The following CYP3A4 variants were observed in gnomAD, a reference collection of about 807,000 sequenced individuals.
CYP3A4 encodes cytochrome P450 3A4.
In CYP3A4, 41 loss-of-function variants were observed where a neutral mutation model predicts 54.9. That is an observed-to-expected ratio of 0.75 (90% confidence interval 0.58 to 0.97). The LOEUF (loss-of-function observed/expected upper bound fraction) is 0.97. Ranked by LOEUF, CYP3A4 falls within the 50% of genes least tolerant of loss-of-function variation. CYP3A4 has a pLI of 0.00. For missense variants in CYP3A4, 510 were observed against 597.3 expected, an observed-to-expected ratio of 0.85 and a Z score of 1.52; for synonymous variants, 179 against 205.2, an observed-to-expected ratio of 0.87 and a Z score of 1.09.
intron 3 of CYP3A4, among the ~76,000 whole-genome samples, chr7:99,776,871 A>G (rs2151564705): frequency 6.6e-6 from 1 of 152,264 alleles, no homozygotes; most frequent in African/African-American, 2.4e-5. Context: ...AAATAAAATA[A>G]AATCACAGTC....
Position 99,764,078 on chromosome 7 carries a change from G to T in CYP3A4, c.866-63C>A. 1.9e-6 allele frequency: 3 copies of T among 1,607,112 alleles called. No individual in the cohort carries two copies. The South Asian group carries it at 3.3e-5, about 18-fold the overall frequency. ...CAATGTAGGGCATCACAGTTTAGATGAAGAGAAATCTAAGTGAAGCCCTCA... is the reference window on the plus strand; with the variant it reads ...CAATGTAGGGCATCACAGTTTAGATTAAGAGAAATCTAAGTGAAGCCCTCA... On this transcript the variant is annotated intron_variant, in intron 9 of 12. Transcript: ENST00000651514.
In CYP3A4 at chr7:99,772,968, T is replaced by A. The variant is rs545670630; in HGVS notation, c.219-279A>T. ...AAGAGACCATGGTTAGAAATGACAG[T>A]AGAGCATTTGTTAAGCTGGGTGGTG... On this transcript the variant is annotated intron_variant, in intron 3 of 12. Transcript: ENST00000651514. Among the ~76,000 whole-genome samples the A allele has an allele frequency of 4.5e-4, 69 of 152,204 alleles. 2 individuals are homozygous for A. Among genetic ancestry groups the A allele is most frequent in the Non-Finnish European group, 1.6e-4 (11 of 67,986 alleles).
At chr7:99,777,476 T>TTTG (rs1413693307) in intron 3 of CYP3A4, among the ~76,000 whole-genome samples, 1 of 146,608 alleles carries the variant, frequency 6.8e-6, no homozygotes, top group African/African-American at 2.5e-5. Flanking sequence ...ATGTCACTAG[T>TTTG]TGTGTGTGTG....
chr7:99,770,359 G>T, intron 4 of CYP3A4, 124 bp from the exon 5 acceptor site: 1 of 686,748 alleles, frequency 1.5e-6, no homozygotes, highest in Non-Finnish European at 2.2e-6. Flanking sequence ...TGGGTGATGG[G>T]CCCTATGCTA....
At position 99,758,027 on chromosome 7, in the gene CYP3A4, T is replaced by G; in HGVS notation, c.*106A>C. 2.2e-6 allele frequency: 2 copies of G among 901,818 alleles called. No homozygotes were observed. The highest frequency in any genetic ancestry group is 2.8e-5 in the South Asian group (2 of 72,164). The allele number at this position is 901,818 out of a possible 1,614,324, so 55.9% of individuals were successfully genotyped here. A position where few individuals can be genotyped will look rare whatever the true frequency, so the allele number is the denominator to read the frequency against. ...CCGGTTATTTATGCAGTCCATTGGA[T>G]GAAGCCCATCTTCATTTCAGAGTTC... On this transcript the variant is annotated 3_prime_UTR_variant, in exon 13 of 13. Transcript: ENST00000651514.
Position 99,757,314 on chromosome 7 carries a change from C to A in CYP3A4, c.*819G>T, listed in dbSNP as rs34469568. On this transcript the variant is annotated 3_prime_UTR_variant, in exon 13 of 13. Transcript: ENST00000651514. The stretch of plus-strand genomic sequence containing the variant: ...GCCTCCTGTGTAGTGAGATTACAGG[C>A]GAGTCCACCATGCCTAGCTAATTTG... 6.6e-6 allele frequency: 1 copy of A among 152,062 alleles called. No homozygotes were observed. The highest frequency in any genetic ancestry group is 2.4e-5 in the African/African-American group (1 of 41,364). 9.4% of individuals were successfully genotyped at this position (152,062 alleles called of 1,614,324 possible). A position where few individuals can be genotyped will look rare whatever the true frequency, so the allele number is the denominator to read the frequency against.
rs1177367975 is a variant in CYP3A4, at chr7:99,766,524, C to G, written c.799-81G>C. On this transcript the variant is annotated intron_variant, in intron 8 of 12. Coordinates refer to ENST00000651514, the MANE Select transcript of CYP3A4 (RefSeq NM_017460.6). Reference sequence around the variant, plus strand: ...AAATCACAAGCGTGGTCCTTGATCTCCCTTCTGAGAATATGGCTCCTTGAA... The same window carrying G: ...AAATCACAAGCGTGGTCCTTGATCTGCCTTCTGAGAATATGGCTCCTTGAA... 9.0e-6 allele frequency: 14 copies of G among 1,563,210 alleles called. No homozygotes were observed. In the East Asian group the frequency reaches 3.2e-4, roughly 35 times the overall value.
At chr7:99,773,619 G>C (rs770589790) in intron 3 of CYP3A4, among the ~76,000 whole-genome samples, 20 of 152,136 alleles carry the variant, frequency 1.3e-4, no homozygotes, top group African/African-American at 4.8e-4. Flanking sequence ...GGAAGTGAAG[G>C]CAGAAATAAA....
chr7:99,758,285 T>C (rs1815233229), intron 12 of CYP3A4, 57 bp from the exon 13 acceptor site: 4 of 1,571,902 alleles, frequency 2.5e-6, no homozygotes, highest in Non-Finnish European at 3.5e-6. Context: ...GTAGAAAGTA[T>C]AGCATCAAAG....
Position 99,761,048 on chromosome 7 carries a change from G to T in CYP3A4, c.1254-67C>A. The stretch of plus-strand genomic sequence containing the variant: ...ATACCCCTAAGAGTTACATGTTAGG[G>T]TTTCTTACTTAGGGGCCACCCCTCA... On this transcript the variant is annotated intron_variant, in intron 11 of 12. Transcript: ENST00000651514. 4 of 1,554,708 alleles carry T rather than the reference G, an allele frequency of 2.6e-6. No individual in the cohort carries two copies. The South Asian group carries it at 3.7e-5, about 14-fold the overall frequency.
At chr7:99,782,464 G>T (rs1815952289) in intron 1 of CYP3A4, among the ~76,000 whole-genome samples, 1 of 152,190 alleles carries the variant, frequency 6.6e-6, no homozygotes, top group Admixed American at 6.5e-5. Flanking sequence ...GGCTGCATCA[G>T]CATCATCTAA....
chr7:99,770,017 A>G (rs1265123451), intron 5 of CYP3A4, 105 bp downstream of exon 5: 11 of 1,523,686 alleles, frequency 7.2e-6, no homozygotes, highest in Admixed American at 3.5e-5. Context: ...GGCAGCTCAA[A>G]TTCAGTGGAC....
At chr7:99,759,387 A>G (rs1333268451) in intron 12 of CYP3A4, among the ~76,000 whole-genome samples, 1 of 151,900 alleles carries the variant, frequency 6.6e-6, no homozygotes. Flanking sequence ...AACCCTGAAT[A>G]TATTTTCACT....
At chr7:99,778,632 G>C (rs754638390) in intron 2 of CYP3A4, among the ~76,000 whole-genome samples, 1 of 152,208 alleles carries the variant, frequency 6.6e-6, no homozygotes, top group African/African-American at 2.4e-5. Flanking sequence ...ACGAGTGACA[G>C]AATGACAAAG....
rs1166537703 is a variant in CYP3A4 at position 99,767,243 on chromosome 7, A to C, written c.686T>G (p.Leu229Arg). Residue 229 changes from leucine to arginine, a missense_variant, in exon 8 of 13, where the codon CTC becomes CGC. Physicochemically the swap from Leu to Arg is moderately radical, Grantham distance 102. Around this residue, in one of 2 missense-constraint regions of CYP3A4, gnomAD observed 272 missense variants for 274.9 expected, o/e 0.99. Transcript: ENST00000651514. The part of the protein sequence containing the change: ...FFLSITVFPF[L>R]IPILEVLNIC... ...ATTTAATACTTCAAGAATTGGGATG[A>C]GGAATGGAAAGACTGCTGTAGGAAA... 4.4e-6 allele frequency: 7 copies of C among 1,590,084 alleles called. No homozygotes were observed. Among genetic ancestry groups the C allele is most frequent in the Non-Finnish European group, 6.0e-6 (7 of 1,173,052 alleles).
At chr7:99,764,461 A>AATGGTTAAATGTAGGG (rs1372425752) in intron 9 of CYP3A4, among the ~76,000 whole-genome samples, 2 of 152,212 alleles carry the variant, frequency 1.3e-5, no homozygotes, top group Admixed American at 1.3e-4. Flanking sequence ...TTGCAACACT[A>AATGGTTAAATGTAGGG]ATGGTTAAAT....
In CYP3A4 at chr7:99,784,151, AT is replaced by A; in HGVS notation, c.-71del. ...GCTCTGTGTTGCTCTTTGCTGGGCT[AT>A]GTGCATGGAGCTTTCCTGCCCTGCA... On this transcript the variant is annotated 5_prime_UTR_variant, in exon 1 of 13. The change creates a premature stop within an existing upstream ORF in the 5' untranslated region. Transcript: ENST00000651514. The A allele has an allele frequency of 7.0e-7, 1 of 1,426,262 alleles. No homozygotes were observed. Among genetic ancestry groups the A allele is most frequent in the East Asian group, 2.3e-5 (1 of 43,574 alleles). The allele number at this position is 1,426,262 out of a possible 1,614,324, so 88.4% of individuals were successfully genotyped here.
At position 99,768,474 on chromosome 7, in the gene CYP3A4, T is replaced by C; in HGVS notation, c.550A>G (p.Ile184Val). Residue 184 changes from isoleucine to valine, a missense_variant, in exon 7 of 13, where the codon ATC (isoleucine) becomes GTC (valine). By Grantham distance (29) the Ile-to-Val change is conservative. Around this residue, in one of 2 missense-constraint regions of CYP3A4, gnomAD observed 272 missense variants for 274.9 expected, o/e 0.99. Transcript: ENST00000651514. ...TTCACTCCAAATGATGTGCTAGTGA[T>C]CACATCCATGCTGTAGGCCCCAAAG... ...DVFGAYSMDVITSTSFGVNID... is the reference protein window; with the variant it reads ...DVFGAYSMDVVTSTSFGVNID... 1.9e-6 allele frequency: 3 copies of C among 1,613,970 alleles called. No homozygotes were observed. Among genetic ancestry groups the C allele is most frequent in the Non-Finnish European group, 2.5e-6 (3 of 1,179,934 alleles).
At chr7:99,766,523 T>A in intron 8 of CYP3A4, 80 bp from the exon 9 acceptor site, 1 of 1,570,408 alleles carries the variant, frequency 6.4e-7, no homozygotes, top group Non-Finnish European at 8.7e-7. Context: ...GTCCTTGATC[T>A]CCCTTCTGAG....
Sources: allele counts gnomAD v4.1 joint callset (sites outside exome capture counted in the v4.1 genomes callset), GRCh38; gene constraint gnomAD v4.1.1; regional missense constraint gnomAD v4.1.1; transcripts MANE v1.5; gene names NCBI Gene and HGNC (gene_info 2026-07-23, HGNC 2026-07-21).